BAG1: variants seen among roughly 807,000 people sequenced by gnomAD.
BAG1 encodes BAG family molecular chaperone regulator 1.
In BAG1, 35 loss-of-function variants were observed where a neutral mutation model predicts 35.5. That is an observed-to-expected ratio of 0.99 (90% CI 0.75 to 1.31). The LOEUF is 1.31. BAG1 is among the 50% of genes most tolerant of loss of function. The probability of loss-of-function intolerance (pLI) is 0.00; values close to 1 mark genes in which losing one functional copy is unlikely to be tolerated. For synonymous variants in BAG1, 191 were observed against 178.9 expected (o/e 1.07, Z -0.54); for missense variants, 464 against 453.6 (o/e 1.02, Z -0.21).
chr9:33,260,304 A>C (rs1820541600), intron 3 of BAG1: 1 of 152,210 alleles, frequency 6.6e-6, no homozygotes, highest in South Asian at 2.1e-4. Context: ...GAAATTTAGA[A>C]TATTTCCCTC....
rs745826979 is a variant in BAG1, at chr9:33,261,142, G to C, written c.608C>G (p.Pro203Arg). The stretch of plus-strand genomic sequence containing the variant: ...ATCTTGTATTCCAAGTGCTGACAAC[G>C]GTGTTTCCATTTCCTTCAGAGATTT... The change falls in exon 3 of 7, where the codon CCG becomes CGG. Residue 203 changes from proline (P) to arginine (R), a missense_variant. Coordinates refer to ENST00000634734, the MANE Select transcript of BAG1 (RefSeq NM_004323.6). 3 of 1,609,950 alleles carry C rather than the reference G, an allele frequency of 1.9e-6. No individual in the cohort carries two copies. Among genetic ancestry groups the C allele is most frequent in the South Asian group, 1.1e-5 (1 of 90,140 alleles).
At position 33,264,533 on chromosome 9, in the gene BAG1, G is replaced by A; in HGVS notation, c.142C>T (p.Pro48Ser). The change falls in exon 1 of 7, where the codon CCT becomes TCT. Residue 48 changes from proline to serine, a missense_variant. Pro to Ser is a moderately conservative substitution (Grantham distance 74). Transcript: ENST00000634734. ...TGCCCGCTGGCAGTACTCCGGGCAG[G>A]TGGACGCCCAGAGGGAGGCGGACCA... 2 of 1,565,968 alleles carry A rather than the reference G, an allele frequency of 1.3e-6. No individual in the cohort carries two copies. Among genetic ancestry groups the A allele is most frequent in the South Asian group, 1.2e-5 (1 of 86,672 alleles).
At chr9:33,262,377 C>T in intron 2 of BAG1, 2 of 1,141,372 alleles carry the variant, frequency 1.8e-6, no homozygotes, top group Non-Finnish European at 1.1e-6. Context: ...TTACCCTTGG[C>T]CAGGTGCAGT....
At chr9:33,259,508 T>C (rs1252262669) in intron 3 of BAG1, 2 of 154,908 alleles carry the variant, frequency 1.3e-5, no homozygotes, top group East Asian at 1.9e-4. Context: ...CAAAGGGTTA[T>C]ACATCAAGTT....
chr9:33,256,925 C>T lies in BAG1; in HGVS notation c.778-17G>A. On this transcript the variant is annotated splice_polypyrimidine_tract_variant and intron_variant, in intron 4 of 6. Coordinates refer to ENST00000634734, the MANE Select transcript of BAG1 (RefSeq NM_004323.6). ...CAGAAAACCCTGCGGGGAAATAATG[C>T]ATTATTGCAAGGGTTCTCTGAGGCT... 2 of 1,597,584 alleles carry T rather than the reference C, an allele frequency of 1.3e-6. No homozygotes were observed. The highest frequency in any genetic ancestry group is 1.7e-6 in the Non-Finnish European group (2 of 1,165,002).
chr9:33,255,763 T>C (rs1820439795), intron 6 of BAG1, 102 bp downstream of exon 6: 10 of 1,309,510 alleles, frequency 7.6e-6, no homozygotes, highest in Non-Finnish European at 1.1e-5. Flanking sequence ...AACAAGCCCA[T>C]ACCACACACC....
At chr9:33,257,880 G>C (rs1390734086) in intron 4 of BAG1, 5 of 152,084 alleles carry the variant, frequency 3.3e-5, no homozygotes, top group Non-Finnish European at 5.9e-5. Flanking sequence ...TATATTTCAG[G>C]CTTTGGTAAT....
At chr9:33,259,779 G>T (rs706119) in intron 3 of BAG1, 113,116 of 152,094 alleles carry the variant, frequency 0.74, 43,541 homozygotes, top group Non-Finnish European at 0.84. Flanking sequence ...CCAATTGAGC[G>T]CTCCTGTTTA....
chr9:33,262,026 A>G, intron 2 of BAG1: 2 of 1,204,580 alleles, frequency 1.7e-6, no homozygotes, highest in Non-Finnish European at 2.1e-6. Context: ...GAAAATGATT[A>G]TTTAATAGTA....
intron 2 of BAG1, chr9:33,261,905 G>A (rs1820579320): frequency 1.0e-6 from 1 of 985,234 alleles, no homozygotes; most frequent in South Asian, 4.7e-5. Flanking sequence ...AGGTAAGTTT[G>A]CTCAAAACCT....
At chr9:33,260,696 G>C (rs1421689222) in intron 3 of BAG1, among the ~76,000 whole-genome samples, 3 of 152,188 alleles carry the variant, frequency 2.0e-5, no homozygotes, top group Admixed American at 2.0e-4. Flanking sequence ...TAAAGGGAGA[G>C]AGGCTCCTGA....
In BAG1 at chr9:33,264,313, T is replaced by TCCGGGTGA; in HGVS notation, c.361_362insTCACCCGG (p.Glu121ValfsTer5). 1 of 1,613,012 alleles carries TCCGGGTGA rather than the reference T, an allele frequency of 6.2e-7. No individual in the cohort carries two copies. Among genetic ancestry groups the TCCGGGTGA allele is most frequent in the Non-Finnish European group, 8.5e-7 (1 of 1,179,732 alleles). On this transcript the variant is annotated frameshift_variant, in exon 1 of 7. Coordinates refer to ENST00000634734, the MANE Select transcript of BAG1 (RefSeq NM_004323.6). LOFTEE classifies it high-confidence loss of function. The stretch of plus-strand genomic sequence containing the variant: ...GGTCGACTCCTCGTCCCGGGTCACC[T>TCCGGGTGA]CCTGGCTCCGATTCATCTCTTCGCC...
At position 33,264,616 on chromosome 9, in the gene BAG1, C is replaced by T. The variant is rs1422615847; in HGVS notation, c.59G>A (p.Arg20Gln). The stretch of plus-strand genomic sequence containing the variant: ...CCGGCCTGGCCGAAGGGCGCGCAGC[C>T]GGGAACCCAGCCGCTCCCGGTCGCC... The change falls in exon 1 of 7, where the codon CGG becomes CAG. Residue 20 changes from arginine to glutamine, a missense_variant. Coordinates refer to ENST00000634734, the MANE Select transcript of BAG1 (RefSeq NM_004323.6). The T allele has an allele frequency of 1.5e-6, 2 of 1,362,172 alleles. No homozygotes were observed. Among genetic ancestry groups the T allele is most frequent in the Admixed American group, 7.8e-5 (2 of 25,646 alleles). The allele number at this position is 1,362,172 out of a possible 1,614,324, so 84.4% of individuals were successfully genotyped here.
chr9:33,261,210 A>C, intron 2 of BAG1, 41 bp from the exon 3 acceptor site: 1 of 1,430,624 alleles, frequency 7.0e-7, no homozygotes, highest in Non-Finnish European at 9.7e-7. Flanking sequence ...TAATAATTGT[A>C]CAACACTGAA....
chr9:33,264,399 CA>C lies in BAG1; in HGVS notation c.275del (p.Leu92Ter), dbSNP rs1386975034. 1 of 1,603,558 alleles carries C rather than the reference CA, an allele frequency of 6.2e-7. No individual in the cohort carries two copies. The highest frequency in any genetic ancestry group is 1.3e-5 in the African/African-American group (1 of 74,540). ...TCCAGGTCGCTTCCTCACTCAGGGT[CA>C]ACTCCTCGCTCCGGGTCAACTCCTC... is the stretch of plus-strand genomic sequence containing the variant. On this transcript the variant is annotated frameshift_variant, in exon 1 of 7. Coordinates refer to ENST00000634734, the MANE Select transcript of BAG1 (RefSeq NM_004323.6). LOFTEE classifies it high-confidence loss of function.
At chr9:33,256,747 T>C (rs1820461303) in intron 5 of BAG1, 54 bp downstream of exon 5, 4 of 1,423,706 alleles carry the variant, frequency 2.8e-6, no homozygotes, top group Middle Eastern at 1.8e-4. Flanking sequence ...AGAGTGAATG[T>C]GACTGAAATA....
rs1318813847 is a variant in BAG1 at position 33,255,037 on chromosome 9, A to G, written c.*182T>C. The G allele has an allele frequency of 2.6e-6, 4 of 1,540,710 alleles. No individual in the cohort carries two copies. In the Admixed American group the frequency reaches 5.9e-5, roughly 23 times the overall value. ...ACAGAGACAGAAGGAGAAAACAGAT[A>G]GGAGCTTTACTCAAAATCACAAAGA... On this transcript the variant is annotated 3_prime_UTR_variant, in exon 7 of 7. Coordinates refer to ENST00000634734, the MANE Select transcript of BAG1 (RefSeq NM_004323.6).
chr9:33,260,959 GTATT>G, intron 3 of BAG1, 124 bp downstream of exon 3: 1 of 640,342 alleles, frequency 1.6e-6, no homozygotes, highest in African/African-American at 1.9e-5. Context: ...AATAAAGATT[GTATT>G]TGTTTAGAGA....
At chr9:33,260,937 T>A (rs961705259) in intron 3 of BAG1, 150 bp downstream of exon 3, 13 of 553,436 alleles carry the variant, frequency 2.3e-5, no homozygotes, top group Non-Finnish European at 3.9e-5. Context: ...AAACTGGTAA[T>A]CCTGTAAAAC....
Sources: allele counts gnomAD v4.1 joint callset (sites outside exome capture counted in the v4.1 genomes callset), GRCh38; gene constraint gnomAD v4.1.1; transcripts MANE v1.5; gene names NCBI Gene and HGNC (gene_info 2026-07-23, HGNC 2026-07-21).